LRRK2: variants seen among roughly 807,000 people sequenced by gnomAD.
LRRK2 encodes the protein leucine-rich repeat serine/threonine-protein kinase 2.
In LRRK2, 203 loss-of-function variants were observed where a neutral mutation model predicts 302.6. That is an observed-to-expected ratio of 0.67 (90% confidence interval 0.60 to 0.75). The LOEUF is 0.75. Among genes scored for constraint, LRRK2 ranks in the 30% least tolerant of loss-of-function variants. The probability of loss-of-function intolerance (pLI) is 0.00; values close to 1 mark genes in which losing one functional copy is unlikely to be tolerated. For synonymous variants in LRRK2, 1,066 were observed against 1,031.9 expected (o/e 1.03, Z -0.63); for missense variants, 2,830 against 2,951.0 (o/e 0.96, Z 0.95).
intron 21 of LRRK2, 124 bp from the exon 22 acceptor site, chr12:40,294,721 G>A: frequency 1.8e-6 from 1 of 557,178 alleles, no homozygotes; most frequent in South Asian, 2.2e-5. Flanking sequence ...GTTTTTACTT[G>A]CCTATTTTTT....
chr12:40,316,627 A>G (rs1945231263), intron 33 of LRRK2, among the ~76,000 whole-genome samples: 1 of 152,064 alleles, frequency 6.6e-6, no homozygotes, highest in Non-Finnish European at 1.5e-5. Flanking sequence ...GGAAAATAAC[A>G]ATTATCTTCT....
At chr12:40,296,115 GT>G (rs1036027345) in intron 23 of LRRK2, among the ~76,000 whole-genome samples, 9 of 150,790 alleles carry the variant, frequency 6.0e-5, no homozygotes, top group East Asian at 3.9e-4. Context: ...ATTACTGAAA[GT>G]TTTTTTTTCA....
rs1316603695 is a variant in LRRK2 at position 40,354,395 on chromosome 12, C to G, written c.6673C>G (p.Leu2225Val). 1 of 1,614,096 alleles carries G rather than the reference C, an allele frequency of 6.2e-7. No individual in the cohort carries two copies. Among genetic ancestry groups the G allele is most frequent in the South Asian group, 1.1e-5 (1 of 91,076 alleles). The change falls in exon 45 of 51, where the codon CTG (leucine) becomes GTG (valine). Residue 2225 changes from leucine (L) to valine (V), a missense_variant. This residue lies in a region of LRRK2 where 456 missense variants were observed against 456.3 expected (regional missense o/e 1.00). Coordinates refer to ENST00000298910, the MANE Select transcript of LRRK2 (RefSeq NM_198578.4). The stretch of plus-strand genomic sequence containing the variant: ...GTCTGGGACACAGTCTGGTACTCTC[C>G]TGGTCATCAATACCGAAGATGGGAA... Reference protein sequence around the residue: ...IVSGTQSGTLLVINTEDGKKR... With the variant: ...IVSGTQSGTLVVINTEDGKKR...
chr12:40,266,073 A>G (rs971147557), intron 14 of LRRK2, among the ~76,000 whole-genome samples: 4 of 152,260 alleles, frequency 2.6e-5, no homozygotes, highest in Admixed American at 6.5e-5. Context: ...AAGCAATACT[A>G]TTCAGGACAT....
intron 33 of LRRK2, among the ~76,000 whole-genome samples, chr12:40,319,224 T>G (rs1945324175): frequency 6.6e-6 from 1 of 152,130 alleles, no homozygotes; most frequent in Non-Finnish European, 1.5e-5. Context: ...GTTATTTCAT[T>G]CTCAGGGCAA....
intron 2 of LRRK2, 152 bp downstream of exon 2, chr12:40,225,792 A>G: frequency 1.4e-6 from 1 of 710,632 alleles, no homozygotes; most frequent in Non-Finnish European, 2.5e-6. Flanking sequence ...GAATATTGTT[A>G]AATCATTACG....
At chr12:40,355,918 G>A (rs1313221891) in intron 45 of LRRK2, among the ~76,000 whole-genome samples, 197 bp from the exon 46 acceptor site, 1 of 152,036 alleles carries the variant, frequency 6.6e-6, no homozygotes, top group Non-Finnish European at 1.5e-5. Flanking sequence ...TATAAAACTG[G>A]GAAGAGTCTG....
intron 40 of LRRK2, among the ~76,000 whole-genome samples, chr12:40,336,242 A>G (rs1945865575): frequency 6.6e-6 from 1 of 152,116 alleles, no homozygotes; most frequent in Non-Finnish European, 1.5e-5. Flanking sequence ...TGACTCCCAG[A>G]TGTGCTCTCT....
In LRRK2 at chr12:40,304,115, C is replaced by G. The variant is rs765161995; in HGVS notation, c.3758C>G (p.Ser1253Cys). The stretch of plus-strand genomic sequence containing the variant: ...TCTAGAGTAGAGAAACTGCATCTTT[C>G]TCACAATAAACTGAAAGAGGTAAGA... The part of the protein sequence containing the change: ...LWSRVEKLHL[S>C]HNKLKEIPPE... The change falls in exon 27 of 51, where the codon TCT (serine) becomes TGT (cysteine). Residue 1253 changes from serine (S) to cysteine (C), a missense_variant. Physicochemically the swap from Ser to Cys is moderately radical, Grantham distance 112. Transcript: ENST00000298910. 4.3e-6 allele frequency: 7 copies of G among 1,612,996 alleles called. No homozygotes were observed. Among genetic ancestry groups the G allele is most frequent in the Non-Finnish European group, 5.9e-6 (7 of 1,179,556 alleles).
intron 40 of LRRK2, among the ~76,000 whole-genome samples, chr12:40,338,925 T>G (rs141468294): frequency 1.3e-3 from 200 of 152,322 alleles, no homozygotes; most frequent in African/African-American, 4.6e-3. Context: ...TTCAAGCCCA[T>G]TACTTACTGT....
intron 10 of LRRK2, 132 bp downstream of exon 10, chr12:40,251,676 C>A: frequency 2.7e-6 from 2 of 754,474 alleles, no homozygotes; most frequent in South Asian, 1.7e-5. Flanking sequence ...GATGTTGCTG[C>A]AAAATAGTAG....
At chr12:40,334,570 C>G (rs915997422) in intron 39 of LRRK2, among the ~76,000 whole-genome samples, 1 of 152,158 alleles carries the variant, frequency 6.6e-6, no homozygotes, top group Admixed American at 6.5e-5. Context: ...TTTAAAAAAT[C>G]ATAATGAAGA....
chr12:40,243,538 C>A lies in LRRK2; in HGVS notation c.707-12C>A. 6.2e-7 allele frequency: 1 copy of A among 1,610,072 alleles called. No individual in the cohort carries two copies. The highest frequency in any genetic ancestry group is 8.5e-7 in the Non-Finnish European group (1 of 1,177,322). ...GTTACCTTATTGATAATTATGATCT[C>A]TTTAAATTCAGGCAATAATGTGGAA... is the stretch of plus-strand genomic sequence containing the variant. On this transcript the variant is annotated splice_polypyrimidine_tract_variant and intron_variant, in intron 6 of 50. Coordinates refer to ENST00000298910, the MANE Select transcript of LRRK2 (RefSeq NM_198578.4).
At chr12:40,239,180 G>T (rs975907522) in intron 5 of LRRK2, among the ~76,000 whole-genome samples, 10 of 152,112 alleles carry the variant, frequency 6.6e-5, no homozygotes, top group African/African-American at 2.4e-4. Flanking sequence ...GACAATAAAG[G>T]ACATACATTT....
At chr12:40,321,635 G>A (rs1465985232) in intron 35 of LRRK2, among the ~76,000 whole-genome samples, 1 of 152,058 alleles carries the variant, frequency 6.6e-6, no homozygotes, top group Non-Finnish European at 1.5e-5. Context: ...GGTGTTACTG[G>A]TTTCCAAAAT....
Position 40,257,269 on chromosome 12 carries a change from T to C in LRRK2, c.1310T>C (p.Leu437Ser), listed in dbSNP as rs200035812. The C allele has an allele frequency of 3.6e-5, 56 of 1,576,870 alleles. No individual in the cohort carries two copies. The highest frequency in any genetic ancestry group is 4.8e-5 in the Non-Finnish European group (55 of 1,146,588). Reference sequence around the variant, plus strand: ...TCAGTTAATTTCAGAAAAATACTGTTATCAAAAGGAATACACCTGAATGTT... The same window carrying C: ...TCAGTTAATTTCAGAAAAATACTGTCATCAAAAGGAATACACCTGAATGTT... The part of the protein sequence containing the change: ...EQNVNFRKIL[L>S]SKGIHLNVLE... The change falls in exon 12 of 51, where the codon TTA becomes TCA. Residue 437 changes from leucine (L) to serine (S), a missense_variant. By Grantham distance (145) the Leu-to-Ser change is moderately radical. Around this residue, in one of 3 missense-constraint regions of LRRK2, gnomAD observed 2,121 missense variants for 2,148.0 expected, o/e 0.99. Coordinates refer to ENST00000298910, the MANE Select transcript of LRRK2 (RefSeq NM_198578.4).
Position 40,367,741 on chromosome 12 carries a change from A to G in LRRK2, c.7560A>G (p.Lys2520=). The part of the protein sequence containing the change: ...HIEVRKELAE[K]MRRTSVE ...AAGTGAGAAAAGAATTAGCTGAAAAAATGAGACGAACATCTGTTGAGTAAG... is the reference window on the plus strand; with the variant it reads ...AAGTGAGAAAAGAATTAGCTGAAAAGATGAGACGAACATCTGTTGAGTAAG... Residue 2520 remains lysine (K), a synonymous_variant, in exon 51 of 51, where the codon AAA becomes AAG. Coordinates refer to ENST00000298910, the MANE Select transcript of LRRK2 (RefSeq NM_198578.4). 6.2e-7 allele frequency: 1 copy of G among 1,606,304 alleles called. No homozygotes were observed. Among genetic ancestry groups the G allele is most frequent in the Non-Finnish European group, 8.5e-7 (1 of 1,175,448 alleles).
chr12:40,282,903 T>C (rs1943767755), intron 18 of LRRK2, among the ~76,000 whole-genome samples: 2 of 152,170 alleles, frequency 1.3e-5, no homozygotes, highest in South Asian at 4.1e-4. Context: ...GTAATGAAAG[T>C]CACACAGGTT....
chr12:40,264,105 C>T (rs1014841713), intron 14 of LRRK2, among the ~76,000 whole-genome samples: 1 of 152,014 alleles, frequency 6.6e-6, no homozygotes, highest in Non-Finnish European at 1.5e-5. Flanking sequence ...AGTGTATTAT[C>T]AATTATAGAT....
Sources: gnomAD v4.1 joint callset for allele counts (sites outside exome capture counted in the v4.1 genomes callset) on GRCh38, gnomAD v4.1.1 for gene constraint, gnomAD v4.1.1 regional missense constraint, MANE v1.5 for transcripts, NCBI Gene and HGNC (gene_info 2026-07-23, HGNC 2026-07-21) for gene names.